TMTC1: variants seen among roughly 807,000 people sequenced by gnomAD.
TMTC1 encodes transmembrane O-mannosyltransferase targeting cadherins 1.
TMTC1 carries 73 observed loss-of-function variants against 104.8 expected under a neutral mutation model. The ratio of observed to expected loss-of-function variants is 0.70; its 90% CI spans 0.58 to 0.85. The LOEUF (loss-of-function observed/expected upper bound fraction) is 0.85, where lower values mean the gene tolerates loss of function less well. TMTC1 is among the 40% of genes least tolerant of loss of function. The pLI, the probability that TMTC1 is intolerant of heterozygous loss-of-function variation, is 0.00. For synonymous variants in TMTC1, 434 were observed against 428.7 expected, an observed-to-expected ratio of 1.01 and a Z score of -0.15; for missense variants, 1,035 against 1,096.1, an observed-to-expected ratio of 0.94 and a Z score of 0.79.
At chr12:29,516,709 C>T (rs752287330) in intron 14 of TMTC1, among the ~76,000 whole-genome samples, 7 of 152,070 alleles carry the variant, frequency 4.6e-5, no homozygotes, top group Non-Finnish European at 1.0e-4. Flanking sequence ...GGCAGAAACA[C>T]TAAATATATC....
chr12:29,560,613 G>A (rs767941822), intron 9 of TMTC1, among the ~76,000 whole-genome samples: 6 of 151,956 alleles, frequency 3.9e-5, no homozygotes, highest in South Asian at 4.1e-4. Context: ...TAAAAATAAA[G>A]ATTAAAAAAA....
intron 5 of TMTC1, among the ~76,000 whole-genome samples, chr12:29,717,122 TA>T (rs1477999099): frequency 6.6e-6 from 1 of 152,230 alleles, no homozygotes; most frequent in Non-Finnish European, 1.5e-5. Context: ...TTTTAGTATT[TA>T]TATTCCATTT....
intron 5 of TMTC1, among the ~76,000 whole-genome samples, chr12:29,705,008 C>T (rs1180515501): frequency 6.6e-6 from 1 of 152,192 alleles, no homozygotes; most frequent in African/African-American, 2.4e-5. Flanking sequence ...ACAAATTATT[C>T]AGGAGGACAA....
intron 5 of TMTC1, among the ~76,000 whole-genome samples, chr12:29,688,595 A>C (rs1340529888): frequency 6.6e-6 from 1 of 152,228 alleles, no homozygotes; most frequent in Non-Finnish European, 1.5e-5. Flanking sequence ...CTCCAAAGTC[A>C]GGAATGTCTA....
At chr12:29,518,830 A>G (rs1944066434) in intron 12 of TMTC1, among the ~76,000 whole-genome samples, 1 of 152,232 alleles carries the variant, frequency 6.6e-6, no homozygotes, top group Non-Finnish European at 1.5e-5. Context: ...TTAACAAAAA[A>G]GCAGTAAAAA....
chr12:29,520,355 T>C (rs1467695817), intron 12 of TMTC1, among the ~76,000 whole-genome samples: 1 of 152,206 alleles, frequency 6.6e-6, no homozygotes, highest in East Asian at 1.9e-4. Flanking sequence ...TCAAAGAAGA[T>C]TGGGACTTAT....
rs748895001 is a variant in TMTC1, at chr12:29,583,551, A to C, written c.1274T>G (p.Val425Gly). The change falls in exon 8 of 18, where the codon GTG becomes GGG. Residue 425 changes from valine to glycine, a missense_variant. Val to Gly is a moderately radical substitution (Grantham distance 109). Coordinates refer to ENST00000539277, the MANE Select transcript of TMTC1 (RefSeq NM_001193451.2). Reference sequence around the variant, plus strand: ...AGTGCAGAGCTTGCTCAGTCCATGCACAAAAAGGATGCAGTAGCCCATGCT... The same window carrying C: ...AGTGCAGAGCTTGCTCAGTCCATGCCCAAAAAGGATGCAGTAGCCCATGCT... Reference protein sequence around the residue: ...MPSMGYCILFVHGLSKLCTWL... With the variant: ...MPSMGYCILFGHGLSKLCTWL... The C allele has an allele frequency of 1.2e-5, 19 of 1,613,346 alleles. No homozygotes were observed. The South Asian group carries it at 1.3e-4, about 11-fold the overall frequency.
In TMTC1 at chr12:29,783,305, G is replaced by T; in HGVS notation, c.302+145C>A. The T allele has an allele frequency of 1.4e-6, 1 of 726,926 alleles. No individual in the cohort carries two copies. Among genetic ancestry groups the T allele is most frequent in the Non-Finnish European group, 1.9e-6 (1 of 525,462 alleles). The allele number at this position is 726,926 out of a possible 1,614,324, so 45.0% of individuals were successfully genotyped here. A position where few individuals can be genotyped will look rare whatever the true frequency, so the allele number is the denominator to read the frequency against. On this transcript the variant is annotated intron_variant, in intron 1 of 17. Transcript: ENST00000539277. This position sits in a 1 kb window ranked among gnomAD's most constrained non-coding sequence, Gnocchi z 4.7. ...AGTGGATCCCGGAGCAAAGTGCCAT[G>T]CACATCCTGGAGAGGAGGGAGGCGT... is the stretch of plus-strand genomic sequence containing the variant.
At chr12:29,681,106 A>AAG (rs1193056445) in intron 5 of TMTC1, among the ~76,000 whole-genome samples, 1 of 151,264 alleles carries the variant, frequency 6.6e-6, no homozygotes, top group East Asian at 1.9e-4. Flanking sequence ...CTCCAAAAAA[A>AAG]AAAAAAAAAA....
chr12:29,584,506 T>C (rs1946072678), intron 7 of TMTC1, among the ~76,000 whole-genome samples: 1 of 152,150 alleles, frequency 6.6e-6, no homozygotes, highest in African/African-American at 2.4e-5. Flanking sequence ...GTTTGTTACA[T>C]ATGTATACAT....
intron 5 of TMTC1, among the ~76,000 whole-genome samples, chr12:29,724,914 T>A (rs1042381724): frequency 6.6e-6 from 1 of 150,472 alleles, no homozygotes; most frequent in East Asian, 2.0e-4. Context: ...TATACAAAAG[T>A]AAACCAACGA....
intron 5 of TMTC1, among the ~76,000 whole-genome samples, chr12:29,674,274 A>G (rs1940638232): frequency 6.6e-6 from 1 of 151,678 alleles, no homozygotes; most frequent in Admixed American, 6.6e-5. Flanking sequence ...AAAGTCATCA[A>G]AAATATTTCT....
chr12:29,612,232 G>A (rs1946864062), intron 6 of TMTC1, among the ~76,000 whole-genome samples: 1 of 152,150 alleles, frequency 6.6e-6, no homozygotes, highest in South Asian at 2.1e-4. Context: ...AGACACTGCT[G>A]AGGACCTCTA....
At chr12:29,524,464 T>C (rs1944278158) in intron 11 of TMTC1, among the ~76,000 whole-genome samples, 1 of 152,198 alleles carries the variant, frequency 6.6e-6, no homozygotes, top group South Asian at 2.1e-4. Context: ...AATTTTATTA[T>C]CCAGCACAAC....
At chr12:29,686,055 T>C (rs1941082108) in intron 5 of TMTC1, among the ~76,000 whole-genome samples, 1 of 152,066 alleles carries the variant, frequency 6.6e-6, no homozygotes, top group Non-Finnish European at 1.5e-5. Flanking sequence ...CAGCACCTGC[T>C]CAAGTCACTG....
At chr12:29,662,169 C>G (rs1273816229) in intron 5 of TMTC1, among the ~76,000 whole-genome samples, 1 of 152,188 alleles carries the variant, frequency 6.6e-6, no homozygotes, top group Non-Finnish European at 1.5e-5. Context: ...TTTCCTCTAT[C>G]CCTTTTCATT....
intron 5 of TMTC1, among the ~76,000 whole-genome samples, chr12:29,637,231 C>T (rs556485404): frequency 6.6e-6 from 1 of 152,310 alleles, no homozygotes; most frequent in East Asian, 1.9e-4. Flanking sequence ...AGCTGTCCAA[C>T]AGCTACAGTA....
chr12:29,728,865 G>A (rs1234058292), intron 5 of TMTC1, among the ~76,000 whole-genome samples: 1 of 151,610 alleles, frequency 6.6e-6, no homozygotes, highest in Non-Finnish European at 1.5e-5. Flanking sequence ...GGGTGTGGGG[G>A]CTGGTGCCTG....
chr12:29,525,607 G>A (rs577701907), intron 11 of TMTC1, among the ~76,000 whole-genome samples: 103 of 150,760 alleles, frequency 6.8e-4, no homozygotes, highest in South Asian at 4.2e-3. Context: ...TAAATCTAGC[G>A]AAAGTATACT....
Sources: gnomAD v4.1 joint callset for allele counts (sites outside exome capture counted in the v4.1 genomes callset) on GRCh38, gnomAD v4.1.1 for gene constraint, Gnocchi (gnomAD v3.1) non-coding constraint, MANE v1.5 for transcripts, NCBI Gene and HGNC (gene_info 2026-07-23, HGNC 2026-07-21) for gene names.